The following GEMIN2 variants were observed in gnomAD, a reference collection of about 807,000 sequenced individuals.
The protein encoded by GEMIN2 is gem-associated protein 2.
GEMIN2 carries 37 observed loss-of-function variants against 45.8 expected under a neutral mutation model. The observed-to-expected ratio is 0.81, with a 90% CI of 0.62 to 1.06. The LOEUF (loss-of-function observed/expected upper bound fraction) is 1.06, where lower values mean the gene tolerates loss of function less well. GEMIN2 is among the 50% of genes least tolerant of loss of function. The probability of loss-of-function intolerance (pLI) is 0.00; values close to 1 mark genes in which losing one functional copy is unlikely to be tolerated. For synonymous variants in GEMIN2, 101 were observed against 111.5 expected, an observed-to-expected ratio of 0.91 and a Z score of 0.60; for missense variants, 335 against 321.8, an observed-to-expected ratio of 1.04 and a Z score of -0.31.
At chr14:39,123,706 ATATTTTTTTTTTTTTTT>A (rs1332942376) in intron 5 of GEMIN2, among the ~76,000 whole-genome samples, 7 of 43,966 alleles carry the variant, frequency 1.6e-4, no homozygotes, top group African/African-American at 6.8e-4. Context: ...ATATATATAT[ATATTTTTTTTTTTTTTT>A]TTTTTTTTTT....
rs1179017909 is a variant in GEMIN2, at chr14:39,122,629, G to A, written c.486+86G>A. 1.5e-5 allele frequency: 10 copies of A among 652,230 alleles called. No individual in the cohort carries two copies. In the South Asian group the frequency reaches 2.0e-4, roughly 13 times the overall value. The allele number at this position is 652,230 out of a possible 1,614,324, so 40.4% of individuals were successfully genotyped here. ...TAAGGGGTCAGCAAACTCTACCCTG[G>A]GCCAAGTCCAGTTCATGGCCTTTTT... On this transcript the variant is annotated intron_variant, in intron 5 of 9. Transcript: ENST00000308317.
chr14:39,127,123 G>A (rs567845476), intron 6 of GEMIN2, among the ~76,000 whole-genome samples: 15 of 125,972 alleles, frequency 1.2e-4, no homozygotes, highest in African/African-American at 3.7e-4. Flanking sequence ...ACAGAGTTTC[G>A]CCTTTTGCCC....
At chr14:39,132,191 G>T (rs2052725951) in intron 8 of GEMIN2, 123 bp downstream of exon 8, 3 of 654,060 alleles carry the variant, frequency 4.6e-6, no homozygotes, top group Non-Finnish European at 8.2e-6. Context: ...GATTTGTAAA[G>T]CCCAAAATAA....
intron 9 of GEMIN2, among the ~76,000 whole-genome samples, chr14:39,136,195 T>C (rs28583114): frequency 0.093 from 14,169 of 152,258 alleles, 884 homozygotes; most frequent in East Asian, 0.32. Context: ...TCGTTTTTTT[T>C]CACTTAATAA....
chr14:39,121,059 T>C (rs147531561), intron 4 of GEMIN2, among the ~76,000 whole-genome samples: 55 of 152,318 alleles, frequency 3.6e-4, no homozygotes, highest in African/African-American at 1.2e-3. Context: ...GTTTCTTCTT[T>C]GACTGGACAA....
chr14:39,114,517 C>A, intron 1 of GEMIN2, 42 bp downstream of exon 1: 2 of 1,487,820 alleles, frequency 1.3e-6, no homozygotes, highest in South Asian at 1.1e-5. Flanking sequence ...GTCTTCTGCC[C>A]TGCCCCTGGG....
At chr14:39,130,467 T>G (rs1472879888) in intron 7 of GEMIN2, among the ~76,000 whole-genome samples, 2 of 152,200 alleles carry the variant, frequency 1.3e-5, no homozygotes, top group Non-Finnish European at 2.9e-5. Context: ...TTGATGAATA[T>G]ACATACCCTT....
chr14:39,123,985 C>T (rs1461955899), intron 5 of GEMIN2, among the ~76,000 whole-genome samples: 1 of 147,948 alleles, frequency 6.8e-6, no homozygotes, highest in African/African-American at 2.5e-5. Flanking sequence ...CCTGAAACTC[C>T]TGGGCTCAGG....
intron 2 of GEMIN2, among the ~76,000 whole-genome samples, chr14:39,115,738 A>G (rs1479664170): frequency 6.6e-6 from 1 of 152,118 alleles, no homozygotes; most frequent in African/African-American, 2.4e-5. Flanking sequence ...TACAGGTGTG[A>G]GCCACCATAC....
chr14:39,117,258 G>A (rs1355668037), intron 2 of GEMIN2, among the ~76,000 whole-genome samples: 28 of 111,696 alleles, frequency 2.5e-4, no homozygotes, highest in African/African-American at 5.0e-4. Flanking sequence ...CAACAGGAGC[G>A]AAACTCCGTC....
chr14:39,114,844 A>G lies in GEMIN2; in HGVS notation c.153A>G (p.Gln51=), dbSNP rs1271853812. Residue 51 remains glutamine (Q), a synonymous_variant, in exon 2 of 10, where the codon CAA becomes CAG. Transcript: ENST00000308317. ...TTATTTGTAGGATCGAAGCAGCTCA[A>G]TGTCCAGATGTTGTGGTAGCTCAAA... ...YLRRVQIEAA[Q]CPDVVVAQID... 2 of 1,551,944 alleles carry G rather than the reference A, an allele frequency of 1.3e-6. No homozygotes were observed. The highest frequency in any genetic ancestry group is 1.1e-5 in the South Asian group (1 of 89,886).
intron 3 of GEMIN2, 75 bp from the exon 4 acceptor site, chr14:39,118,465 A>G (rs527454695): frequency 3.0e-5 from 23 of 772,310 alleles, no homozygotes; most frequent in Admixed American, 2.0e-4. Flanking sequence ...GATGGTTACA[A>G]TTTTGTGCAG....
rs375362838 is a variant in GEMIN2 at position 39,131,946 on chromosome 14, A to G, written c.601-12A>G. 5.8e-6 allele frequency: 8 copies of G among 1,388,390 alleles called. No individual in the cohort carries two copies. The African/African-American group carries it at 1.1e-4, about 20-fold the overall frequency. 86.0% of individuals were successfully genotyped at this position (1,388,390 alleles called of 1,614,324 possible). A position where few individuals can be genotyped will look rare whatever the true frequency, so the allele number is the denominator to read the frequency against. ...ATTTGTCTAAATATTAATTTTTTGA[A>G]TTTTTTTTTAGGGAAGATGGCTTTA... On this transcript the variant is annotated splice_polypyrimidine_tract_variant and intron_variant, in intron 7 of 9. Transcript: ENST00000308317.
chr14:39,126,326 G>A (rs2052640994), intron 6 of GEMIN2, among the ~76,000 whole-genome samples: 1 of 151,428 alleles, frequency 6.6e-6, no homozygotes, highest in African/African-American at 2.4e-5. Flanking sequence ...CCACAGGCAT[G>A]TGCTACCATG....
At position 39,128,067 on chromosome 14, in the gene GEMIN2, C is replaced by CAAAAAAAAA. The variant is rs1212260025; in HGVS notation, c.532-195_532-187dup. ...TGGGCAACAGAGTGAGACTCTATCT[C>CAAAAAAAAA]AAAAAAAAAAAAAAAAAAAAAAAAA... On this transcript the variant is annotated intron_variant, in intron 6 of 9. Coordinates refer to ENST00000308317, the MANE Select transcript of GEMIN2 (RefSeq NM_003616.3). Among the ~76,000 whole-genome samples, 10 of 10,564 alleles carry CAAAAAAAAA rather than the reference C, an allele frequency of 9.5e-4. 5 individuals carry two copies. Among genetic ancestry groups the CAAAAAAAAA allele is most frequent in the Admixed American group, 2.1e-3 (2 of 958 alleles). The allele number at this position is 10,564 out of a possible 152,430, so 6.9% of individuals were successfully genotyped here. A position where few individuals can be genotyped will look rare whatever the true frequency, so the allele number is the denominator to read the frequency against.
At chr14:39,128,389 T>C (rs753591057) in intron 7 of GEMIN2, 41 bp downstream of exon 7, 8 of 1,117,480 alleles carry the variant, frequency 7.2e-6, no homozygotes, top group Non-Finnish European at 9.5e-6. Context: ...TAGGCAAAAA[T>C]TAGACGTTTT....
In GEMIN2 at chr14:39,128,460, A is replaced by G. The variant is rs1461230682; in HGVS notation, c.600+112A>G. On this transcript the variant is annotated intron_variant, in intron 7 of 9. Coordinates refer to ENST00000308317, the MANE Select transcript of GEMIN2 (RefSeq NM_003616.3). ...TATAGGATTATAATACTGTATTTTT[A>G]CTGCACATTTTCTTTTTTTCTTTTC... 8.6e-6 allele frequency: 4 copies of G among 466,714 alleles called. No homozygotes were observed. The East Asian group carries it at 1.4e-4, about 16-fold the overall frequency. 28.9% of individuals were successfully genotyped at this position (466,714 alleles called of 1,614,324 possible).
chr14:39,132,205 T>C, intron 8 of GEMIN2, 137 bp downstream of exon 8: 1 of 620,600 alleles, frequency 1.6e-6, no homozygotes, highest in Non-Finnish European at 2.9e-6. Flanking sequence ...AAAATAATAG[T>C]AGCTTAAATA....
At position 39,122,413 on chromosome 14, in the gene GEMIN2, T is replaced by G. The variant is rs767868874; in HGVS notation, c.373-17T>G. On this transcript the variant is annotated splice_polypyrimidine_tract_variant and intron_variant, in intron 4 of 9. Coordinates refer to ENST00000308317, the MANE Select transcript of GEMIN2 (RefSeq NM_003616.3). ...TTAATACACAGGAATAAATCAGTTT[T>G]TTTTTTTTTCTTTTAGCCAAAATCT... is the stretch of plus-strand genomic sequence containing the variant. The G allele has an allele frequency of 2.0e-5, 27 of 1,326,514 alleles. No homozygotes were observed. Among genetic ancestry groups the G allele is most frequent in the Middle Eastern group, 3.7e-4 (2 of 5,408 alleles). 82.2% of individuals were successfully genotyped at this position (1,326,514 alleles called of 1,614,324 possible). A position where few individuals can be genotyped will look rare whatever the true frequency, so the allele number is the denominator to read the frequency against.
Sources: allele counts gnomAD v4.1 joint callset (sites outside exome capture counted in the v4.1 genomes callset), GRCh38; gene constraint gnomAD v4.1.1; transcripts MANE v1.5; gene names NCBI Gene and HGNC (gene_info 2026-07-23, HGNC 2026-07-21).